Variants in PTPRG observed in about 807,000 individuals in gnomAD.
PTPRG encodes protein tyrosine phosphatase receptor type G.
Under a neutral mutation model 165.3 loss-of-function variants are expected in PTPRG, and 102 were observed. The ratio of observed to expected loss-of-function variants is 0.62; its 90% CI spans 0.53 to 0.73. The LOEUF (loss-of-function observed/expected upper bound fraction) is 0.73, where lower values mean the gene tolerates loss of function less well. PTPRG is among the 30% of genes least tolerant of loss of function. The pLI is 0.00. For missense variants in PTPRG, 1,866 were observed against 1,861.4 expected, an observed-to-expected ratio of 1.00 and a Z score of -0.05; for synonymous variants, 675 against 669.5, an observed-to-expected ratio of 1.01 and a Z score of -0.13.
chr3:62,003,978 TTTTG>T (rs1178554387), intron 4 of PTPRG, among the ~76,000 whole-genome samples: 3 of 152,180 alleles, frequency 2.0e-5, no homozygotes, highest in African/African-American at 7.2e-5. Flanking sequence ...TCACTGTTAA[TTTTG>T]TTAGGATTGA....
At chr3:62,141,366 G>A (rs182228056) in intron 6 of PTPRG, among the ~76,000 whole-genome samples, 4 of 137,866 alleles carry the variant, frequency 2.9e-5, no homozygotes, top group African/African-American at 9.9e-5. Flanking sequence ...CTTTGGAGCC[G>A]AGGCAGGTAG....
intron 2 of PTPRG, among the ~76,000 whole-genome samples, chr3:61,896,958 A>G (rs1052872421): frequency 2.7e-5 from 4 of 149,918 alleles, no homozygotes; most frequent in Non-Finnish European, 5.9e-5. Flanking sequence ...TTTTTTTTTA[A>G]TATATTCTGA....
chr3:61,799,435 A>G (rs1385668726), intron 2 of PTPRG, among the ~76,000 whole-genome samples: 3 of 152,128 alleles, frequency 2.0e-5, no homozygotes, highest in Non-Finnish European at 1.5e-5. Context: ...AGGATGCCAC[A>G]TTGCATCTAG....
intron 4 of PTPRG, 80 bp downstream of exon 4, chr3:62,003,577 C>T: frequency 6.4e-7 from 1 of 1,553,940 alleles, no homozygotes; most frequent in South Asian, 1.2e-5. Context: ...TACCCTCAGT[C>T]ATTTTGCAAA....
At chr3:61,716,942 A>G (rs1343956827) in intron 1 of PTPRG, among the ~76,000 whole-genome samples, 1 of 152,232 alleles carries the variant, frequency 6.6e-6, no homozygotes, top group East Asian at 1.9e-4. Flanking sequence ...ACTGCACTCC[A>G]GCCTGGGCAA....
In PTPRG at chr3:61,967,500, A is replaced by G. The variant is rs146059109; in HGVS notation, c.191-22125A>G. On this transcript the variant is annotated intron_variant, in intron 2 of 29. Coordinates refer to ENST00000474889, the MANE Select transcript of PTPRG (RefSeq NM_002841.4). ...GGTCTCACGCCTCATTTCAAATGTT[A>G]GTAATGCATCAAAACCCTAAGACTT... is the stretch of plus-strand genomic sequence containing the variant. Among the ~76,000 whole-genome samples, 15 of 152,306 alleles carry G rather than the reference A, an allele frequency of 9.8e-5. No homozygotes were observed. In the East Asian group the frequency reaches 2.9e-3, roughly 29 times the overall value.
intron 1 of PTPRG, among the ~76,000 whole-genome samples, chr3:61,621,033 G>GTGTATATATATA (rs767786792): frequency 4.5e-4 from 58 of 129,958 alleles, no homozygotes; most frequent in Non-Finnish European, 6.6e-4. Context: ...GTGTGTGTGT[G>GTGTATATATATA]TATATATATA....
At chr3:61,802,691 T>G (rs992454722) in intron 2 of PTPRG, among the ~76,000 whole-genome samples, 4 of 152,166 alleles carry the variant, frequency 2.6e-5, no homozygotes, top group African/African-American at 9.7e-5. Flanking sequence ...AATGCACATT[T>G]TCTGACTTTC....
intron 1 of PTPRG, among the ~76,000 whole-genome samples, chr3:61,600,920 A>G (rs1700847751): frequency 6.6e-6 from 1 of 152,198 alleles, no homozygotes; most frequent in Admixed American, 6.5e-5. Context: ...TGCAAATAAA[A>G]TCTTACTTCA....
At chr3:62,154,620 G>T (rs1458775480) in intron 6 of PTPRG, among the ~76,000 whole-genome samples, 2 of 152,124 alleles carry the variant, frequency 1.3e-5, no homozygotes, top group Non-Finnish European at 2.9e-5. Flanking sequence ...TTAAAGCCAT[G>T]GCCTCTTCCT....
intron 1 of PTPRG, among the ~76,000 whole-genome samples, chr3:61,745,749 C>G (rs2033173811): frequency 6.6e-6 from 1 of 152,066 alleles, no homozygotes; most frequent in Admixed American, 6.5e-5. Context: ...GGGTGAAGTC[C>G]AAGGCATAGG....
chr3:62,011,618 C>G (rs1437418752), intron 4 of PTPRG, among the ~76,000 whole-genome samples: 1 of 152,050 alleles, frequency 6.6e-6, no homozygotes, highest in African/African-American at 2.4e-5. Flanking sequence ...ATGTTTCATC[C>G]TTTGCTAGTG....
chr3:62,173,737 C>T (rs1705309698), intron 8 of PTPRG, among the ~76,000 whole-genome samples: 3 of 150,368 alleles, frequency 2.0e-5, no homozygotes. Flanking sequence ...AATATAGCTC[C>T]CCGCCTCCTC....
Position 61,877,463 on chromosome 3 carries a change from T to G in PTPRG, c.191-112162T>G, listed in dbSNP as rs573603732. Among the ~76,000 whole-genome samples, 257 of 152,152 alleles carry G rather than the reference T, an allele frequency of 1.7e-3. 2 individuals are homozygous for G. The highest frequency in any genetic ancestry group is 2.9e-3 in the Non-Finnish European group (199 of 67,996). On this transcript the variant is annotated intron_variant, in intron 2 of 29. Coordinates refer to ENST00000474889, the MANE Select transcript of PTPRG (RefSeq NM_002841.4). ...GAGAAGCCACAAAGGTGCCTACATG[T>G]GGTTGTTGTGTAGTTTATCATTAGA...
chr3:61,871,395 T>C (rs780104342), intron 2 of PTPRG, among the ~76,000 whole-genome samples: 9 of 151,860 alleles, frequency 5.9e-5, no homozygotes, highest in Non-Finnish European at 1.2e-4. Context: ...TCTAGCTAAT[T>C]AAAAAAAATT....
At chr3:62,169,989 G>T (rs1705155286) in intron 8 of PTPRG, among the ~76,000 whole-genome samples, 1 of 152,186 alleles carries the variant, frequency 6.6e-6, no homozygotes, top group Non-Finnish European at 1.5e-5. Flanking sequence ...GGAGCTAAAA[G>T]AAGAGGAGAG....
intron 8 of PTPRG, among the ~76,000 whole-genome samples, chr3:62,171,490 T>C (rs1020779694): frequency 6.6e-6 from 1 of 152,238 alleles, no homozygotes; most frequent in Non-Finnish European, 1.5e-5. Context: ...AATTTATACT[T>C]GCGCAGCCAT....
At chr3:61,776,599 G>A (rs1222824016) in intron 2 of PTPRG, among the ~76,000 whole-genome samples, 5 of 151,294 alleles carry the variant, frequency 3.3e-5, no homozygotes, top group South Asian at 2.1e-4. Context: ...TTATTAGGGC[G>A]GCACCTAGTT....
chr3:62,194,716 T>C (rs1699917996), intron 9 of PTPRG, among the ~76,000 whole-genome samples: 1 of 151,840 alleles, frequency 6.6e-6, no homozygotes, highest in African/African-American at 2.4e-5. Flanking sequence ...GGCAAGAGAA[T>C]CACTTGAACC....
Sources: allele counts gnomAD v4.1 joint callset (sites outside exome capture counted in the v4.1 genomes callset), GRCh38; gene constraint gnomAD v4.1.1; transcripts MANE v1.5; gene names NCBI Gene and HGNC (gene_info 2026-07-23, HGNC 2026-07-21).